Variants in ZC3H4 observed in about 807,000 individuals in gnomAD.
ZC3H4 encodes zinc finger CCCH domain-containing protein 4.
In ZC3H4, 13 loss-of-function variants were observed where a neutral mutation model predicts 108.3. The ratio of observed to expected loss-of-function variants is 0.12; its 90% confidence interval spans 0.08 to 0.19. The LOEUF (loss-of-function observed/expected upper bound fraction) is 0.19. Ranked by LOEUF, ZC3H4 falls within the 10% of genes least tolerant of loss-of-function variation. The pLI is 1.00. For synonymous variants in ZC3H4, 917 were observed against 749.6 expected (o/e 1.22, Z -3.65); for missense variants, 1,734 against 1,838.8 (o/e 0.94, Z 1.04).
chr19:47,094,883 G>A (rs1243083887), intron 2 of ZC3H4, among the ~76,000 whole-genome samples: 2 of 152,212 alleles, frequency 1.3e-5, no homozygotes, highest in African/African-American at 2.4e-5. Flanking sequence ...TTTCCCAACA[G>A]AACTAGTGTT....
Position 47,094,120 on chromosome 19 carries a change from G to A in ZC3H4, c.382-40C>T, listed in dbSNP as rs1048668049. The A allele has an allele frequency of 3.8e-6, 6 of 1,590,650 alleles. No individual in the cohort carries two copies. In the African/African-American group the frequency reaches 4.0e-5, roughly 11 times the overall value. On this transcript the variant is annotated intron_variant, in intron 3 of 14. Coordinates refer to ENST00000253048, the MANE Select transcript of ZC3H4 (RefSeq NM_015168.2). Reference sequence around the variant, plus strand: ...GAAGGAGACTCAGCAACCTGCCACAGGCAGGCCACTCGGGCACAGTCAGCC... The same window carrying A: ...GAAGGAGACTCAGCAACCTGCCACAAGCAGGCCACTCGGGCACAGTCAGCC...
At chr19:47,069,399 C>G (rs1036449434) in intron 13 of ZC3H4, 56 bp from the exon 14 acceptor site, 5 of 1,571,876 alleles carry the variant, frequency 3.2e-6, no homozygotes, top group Non-Finnish European at 3.4e-6. Context: ...GGTGCCAACT[C>G]CAGCCCCCCT....
chr19:47,089,908 C>T, intron 5 of ZC3H4, 59 bp downstream of exon 5: 5 of 1,585,862 alleles, frequency 3.2e-6, no homozygotes, highest in Non-Finnish European at 3.4e-6. Flanking sequence ...ACCAGGCCAC[C>T]GGGGTTGGCC....
At chr19:47,100,773 A>T (rs1482450867) in intron 2 of ZC3H4, among the ~76,000 whole-genome samples, 1 of 152,096 alleles carries the variant, frequency 6.6e-6, no homozygotes, top group East Asian at 1.9e-4. Flanking sequence ...ATTTCGGCTC[A>T]CTGCAACCTT....
intron 11 of ZC3H4, among the ~76,000 whole-genome samples, chr19:47,077,073 C>A (rs2057434622): frequency 1.3e-5 from 2 of 151,764 alleles, no homozygotes; most frequent in African/African-American, 4.8e-5. Flanking sequence ...AGGCAGAGAA[C>A]TGCTTGAACC....
Position 47,072,010 on chromosome 19 carries a change from CGGGTGCATGTCGGGGTGCATGTCA to C in ZC3H4, c.1890_1913del (p.Pro638_His645del), listed in dbSNP as rs760771378. On this transcript the variant is annotated inframe_deletion, in exon 13 of 15. Coordinates refer to ENST00000253048, the MANE Select transcript of ZC3H4 (RefSeq NM_015168.2). This position sits in a 1 kb window ranked among gnomAD's most constrained non-coding sequence, Gnocchi z 5.6. ...CTGCGTGCATGTCAGGGTGCATGTC[CGGGTGCATGTCGGGGTGCATGTCA>C]GGATGCATTGGACCGCCCATTGGCC... The C allele has an allele frequency of 1.3e-6, 2 of 1,591,522 alleles. No individual in the cohort carries two copies. The highest frequency in any genetic ancestry group is 1.7e-6 in the Non-Finnish European group (2 of 1,168,472).
intron 5 of ZC3H4, among the ~76,000 whole-genome samples, chr19:47,088,064 T>C (rs938117030): frequency 6.6e-6 from 1 of 151,828 alleles, no homozygotes; most frequent in Non-Finnish European, 1.5e-5. Context: ...TCCCAGCTAC[T>C]CAGGAGGCTG....
rs1230151960 is a variant in ZC3H4 at position 47,066,063 on chromosome 19, TCTGAGGC to T, written c.*286_*292del. ...GCCCGGCCACGCAGAGCCCACAGAG[TCTGAGGC>T]CAGGCACTGGCGAAAGTTCACAGGT... On this transcript the variant is annotated 3_prime_UTR_variant, in exon 15 of 15. Coordinates refer to ENST00000253048, the MANE Select transcript of ZC3H4 (RefSeq NM_015168.2). 7 of 283,752 alleles carry T rather than the reference TCTGAGGC, an allele frequency of 2.5e-5. No individual in the cohort carries two copies. In the East Asian group the frequency reaches 4.3e-4, roughly 18 times the overall value. 17.6% of individuals were successfully genotyped at this position (283,752 alleles called of 1,614,324 possible).
At chr19:47,086,350 A>T (rs1340112210) in intron 6 of ZC3H4, 34 bp downstream of exon 6, 1 of 1,610,792 alleles carries the variant, frequency 6.2e-7, no homozygotes, top group Admixed American at 1.7e-5. Context: ...CACCAGCCTC[A>T]CCCCGACGTC....
intron 5 of ZC3H4, among the ~76,000 whole-genome samples, chr19:47,087,062 G>GTTT (rs2057642082): frequency 6.6e-6 from 1 of 151,508 alleles, no homozygotes; most frequent in Non-Finnish European, 1.5e-5. Context: ...GATCACCTTA[G>GTTT]GTCAGGAGTT....
At chr19:47,080,382 C>G (rs1183180688) in intron 11 of ZC3H4, among the ~76,000 whole-genome samples, 1 of 152,154 alleles carries the variant, frequency 6.6e-6, no homozygotes, top group Non-Finnish European at 1.5e-5. Context: ...CTTTAGAGAC[C>G]CCCAACTTCC....
chr19:47,070,618 G>A (rs71353949), intron 13 of ZC3H4, among the ~76,000 whole-genome samples: 4,013 of 152,168 alleles, frequency 0.026, 79 homozygotes, highest in South Asian at 0.036. Flanking sequence ...TGTTTTTCTC[G>A]TCTTTCTTTC....
chr19:47,073,707 G>A (rs780706516), intron 11 of ZC3H4, among the ~76,000 whole-genome samples: 4 of 151,988 alleles, frequency 2.6e-5, no homozygotes, highest in African/African-American at 7.2e-5. Flanking sequence ...CTAAGCAATC[G>A]CTCCCCACCC....
Position 47,066,170 on chromosome 19 carries a change from T to C in ZC3H4, c.*186A>G, listed in dbSNP as rs1275566124. ...CTGACCAGAACTTAAGATGGTTATA[T>C]ACAATTTACAAATCTCAAAGAAAGT... On this transcript the variant is annotated 3_prime_UTR_variant, in exon 15 of 15. Coordinates refer to ENST00000253048, the MANE Select transcript of ZC3H4 (RefSeq NM_015168.2). 3.4e-5 allele frequency: 18 copies of C among 532,248 alleles called. No homozygotes were observed. Among genetic ancestry groups the C allele is most frequent in the Admixed American group, 3.8e-5 (1 of 26,470 alleles). The allele number at this position is 532,248 out of a possible 1,614,324, so 33.0% of individuals were successfully genotyped here. A position where few individuals can be genotyped will look rare whatever the true frequency, so the allele number is the denominator to read the frequency against.
At position 47,094,488 on chromosome 19, in the gene ZC3H4, C is replaced by G. The variant is rs199815301; in HGVS notation, c.282G>C (p.Ser94=). ...KEKGEKHHSD[S]DEEKSHRRLK... ...GTCTCCTGTGGGACTTCTCCTCATCCGAATCACTGTGATGCTTCTCCCCCT... is the reference window on the plus strand; with the variant it reads ...GTCTCCTGTGGGACTTCTCCTCATCGGAATCACTGTGATGCTTCTCCCCCT... The change falls in exon 3 of 15, where the codon TCG becomes TCC. Residue 94 remains serine, a synonymous_variant. Coordinates refer to ENST00000253048, the MANE Select transcript of ZC3H4 (RefSeq NM_015168.2). 21 of 1,614,104 alleles carry G rather than the reference C, an allele frequency of 1.3e-5. No individual in the cohort carries two copies. Among genetic ancestry groups the G allele is most frequent in the Non-Finnish European group, 1.7e-5 (20 of 1,180,036 alleles).
rs765998036 is a variant in ZC3H4, at chr19:47,112,528, TGGCGGC to T, written c.51_56del (p.Pro18_Pro19del). On this transcript the variant is annotated inframe_deletion, in exon 2 of 15. Coordinates refer to ENST00000253048, the MANE Select transcript of ZC3H4 (RefSeq NM_015168.2). ...AAGGCGTTGATGGCGGCGGCGGCGA[TGGCGGC>T]GGCGGCGACTCTGATGGCGGCGGCG... The T allele has an allele frequency of 3.7e-6, 4 of 1,066,794 alleles. No individual in the cohort carries two copies. In the East Asian group the frequency reaches 9.8e-5, roughly 26 times the overall value. The allele number at this position is 1,066,794 out of a possible 1,614,324, so 66.1% of individuals were successfully genotyped here. A position where few individuals can be genotyped will look rare whatever the true frequency, so the allele number is the denominator to read the frequency against.
At chr19:47,108,300 T>A (rs1322423804) in intron 2 of ZC3H4, among the ~76,000 whole-genome samples, 1 of 152,126 alleles carries the variant, frequency 6.6e-6, no homozygotes, top group Non-Finnish European at 1.5e-5. Context: ...AAAATTAAGT[T>A]CTCTAGAATC....
chr19:47,097,220 G>GA (rs1376024873), intron 2 of ZC3H4, among the ~76,000 whole-genome samples: 1 of 152,212 alleles, frequency 6.6e-6, no homozygotes, highest in Non-Finnish European at 1.5e-5. Flanking sequence ...GGCTCAAAGA[G>GA]AATCAACCAT....
At chr19:47,099,957 T>C (rs892373571) in intron 2 of ZC3H4, among the ~76,000 whole-genome samples, 1 of 151,830 alleles carries the variant, frequency 6.6e-6, no homozygotes, top group Non-Finnish European at 1.5e-5. Flanking sequence ...AGGGTTATGA[T>C]CATTAACTGC....
Sources: gnomAD v4.1 joint callset for allele counts (sites outside exome capture counted in the v4.1 genomes callset) on GRCh38, gnomAD v4.1.1 for gene constraint, Gnocchi (gnomAD v3.1) non-coding constraint, MANE v1.5 for transcripts, NCBI Gene and HGNC (gene_info 2026-07-23, HGNC 2026-07-21) for gene names.